Variants in NFATC3 observed in about 807,000 individuals in gnomAD.
NFATC3 encodes the protein nuclear factor of activated T-cells, cytoplasmic 3.
A neutral mutation model predicts 98.6 loss-of-function variants in NFATC3; 46 were observed. The ratio of observed to expected loss-of-function variants is 0.47; its 90% CI spans 0.37 to 0.60. NFATC3 has a LOEUF of 0.60. Among genes scored for constraint, NFATC3 ranks in the 20% least tolerant of loss-of-function variants. The probability of loss-of-function intolerance (pLI) is 0.00; values close to 1 mark genes in which losing one functional copy is unlikely to be tolerated. For missense variants in NFATC3, 1,256 were observed against 1,295.5 expected, an observed-to-expected ratio of 0.97 and a Z score of 0.47; for synonymous variants, 512 against 472.2, an observed-to-expected ratio of 1.08 and a Z score of -1.09.
intron 9 of NFATC3, among the ~76,000 whole-genome samples, chr16:68,192,550 C>T (rs1308776540): frequency 1.3e-5 from 2 of 151,828 alleles, no homozygotes; most frequent in South Asian, 2.1e-4. Flanking sequence ...GCTGGGAATG[C>T]GAAGGATGTA....
chr16:68,150,954 G>GC (rs5817632), intron 3 of NFATC3, among the ~76,000 whole-genome samples: 4,574 of 151,896 alleles, frequency 0.03, 209 homozygotes, highest in African/African-American at 0.1. Context: ...ATTTCCTGAG[G>GC]CCCCCCCAGC....
intron 9 of NFATC3, among the ~76,000 whole-genome samples, chr16:68,196,033 A>G (rs1466329188): frequency 6.6e-6 from 1 of 151,930 alleles, no homozygotes; most frequent in African/African-American, 2.4e-5. Flanking sequence ...AATTTTTGTT[A>G]AAACGCACTT....
intron 5 of NFATC3, among the ~76,000 whole-genome samples, chr16:68,172,214 G>A (rs1458614701): frequency 6.6e-6 from 1 of 152,140 alleles, no homozygotes; most frequent in Non-Finnish European, 1.5e-5. Flanking sequence ...TACTTTTGTG[G>A]CTAGGTATTA....
chr16:68,118,924 A>G (rs138223731), intron 1 of NFATC3, among the ~76,000 whole-genome samples: 79 of 152,118 alleles, frequency 5.2e-4, no homozygotes, highest in Middle Eastern at 3.4e-3. Context: ...CTGGAGTGCA[A>G]TGGCGCGATC....
intron 8 of NFATC3, among the ~76,000 whole-genome samples, chr16:68,190,024 G>GTGA (rs2040370469): frequency 1.3e-5 from 2 of 152,214 alleles, no homozygotes; most frequent in Non-Finnish European, 2.9e-5. Context: ...GGCCGACAGA[G>GTGA]TGAGACCCTG....
intron 7 of NFATC3, 100 bp from the exon 8 acceptor site, chr16:68,183,140 G>A (rs1438283662): frequency 1.6e-6 from 2 of 1,228,466 alleles, no homozygotes; most frequent in Non-Finnish European, 2.2e-6. Flanking sequence ...AATTATCTAT[G>A]CTGGAGCCTT....
chr16:68,122,505 C>T lies in NFATC3; in HGVS notation c.622C>T (p.Pro208Ser), dbSNP rs755047866. The T allele has an allele frequency of 3.1e-6, 5 of 1,614,110 alleles. No homozygotes were observed. Among genetic ancestry groups the T allele is most frequent in the Non-Finnish European group, 4.2e-6 (5 of 1,180,026 alleles). ...EAAARFTLGSPLTSPGGSPGG... is the reference protein window; with the variant it reads ...EAAARFTLGSSLTSPGGSPGG... ...TGCAGCCCGATTTACCCTTGGATCC[C>T]CTCTGACTTCTCCTGGTGGCTCTCC... The change falls in exon 2 of 10, where the codon CCT (proline) becomes TCT (serine). Residue 208 changes from proline (P) to serine (S), a missense_variant. By Grantham distance (74) the Pro-to-Ser change is moderately conservative. Coordinates refer to ENST00000346183, the MANE Select transcript of NFATC3 (RefSeq NM_173165.3).
At chr16:68,215,911 G>A (rs575634394) in intron 9 of NFATC3, among the ~76,000 whole-genome samples, 1 of 151,846 alleles carries the variant, frequency 6.6e-6, no homozygotes, top group Non-Finnish European at 1.5e-5. Context: ...TGTATTTTTA[G>A]TAGAGATGGG....
intron 3 of NFATC3, among the ~76,000 whole-genome samples, chr16:68,152,466 G>T (rs1425601205): frequency 6.6e-6 from 1 of 151,992 alleles, no homozygotes; most frequent in Non-Finnish European, 1.5e-5. Context: ...CTAGACCAGG[G>T]GTTATCAAAC....
intron 9 of NFATC3, among the ~76,000 whole-genome samples, chr16:68,218,890 T>C (rs539120748): frequency 6.6e-6 from 1 of 151,836 alleles, no homozygotes; most frequent in Non-Finnish European, 1.5e-5. Flanking sequence ...GCTTTTATAA[T>C]AATTGCATAC....
intron 3 of NFATC3, among the ~76,000 whole-genome samples, chr16:68,135,641 C>T (rs1175538015): frequency 2.6e-5 from 4 of 151,908 alleles, no homozygotes; most frequent in African/African-American, 9.7e-5. Flanking sequence ...ATTGAAATTA[C>T]CTGGTGAAAA....
At chr16:68,117,356 C>T (rs545337873) in intron 1 of NFATC3, among the ~76,000 whole-genome samples, 13 of 152,224 alleles carry the variant, frequency 8.5e-5, no homozygotes, top group African/African-American at 2.9e-4. Context: ...TCATATATAT[C>T]AAATGGTGAT....
At chr16:68,137,423 G>A (rs1014569769) in intron 3 of NFATC3, among the ~76,000 whole-genome samples, 5 of 151,808 alleles carry the variant, frequency 3.3e-5, no homozygotes, top group Non-Finnish European at 2.9e-5. Context: ...CATTATATAC[G>A]GTCTGTCATT....
At chr16:68,159,416 T>A (rs531968501) in intron 4 of NFATC3, among the ~76,000 whole-genome samples, 1 of 151,414 alleles carries the variant, frequency 6.6e-6, no homozygotes, top group African/African-American at 2.4e-5. Context: ...TTTTTTTTTT[T>A]TTTTATATTT....
At chr16:68,181,570 A>G in intron 7 of NFATC3, 40 bp downstream of exon 7, 2 of 1,375,578 alleles carry the variant, frequency 1.5e-6, no homozygotes, top group Non-Finnish European at 1.0e-6. Context: ...TATTTAAGAC[A>G]CTGAATAGAA....
At chr16:68,226,302 CTAATCACTCAGAGG>C in intron 9 of NFATC3, 34 bp from the exon 10 acceptor site, 1 of 1,537,324 alleles carries the variant, frequency 6.5e-7, no homozygotes, top group Non-Finnish European at 8.7e-7. Flanking sequence ...CATCATATGG[CTAATCACTCAGAGG>C]TCACTAATCA....
At chr16:68,173,438 A>C (rs1161052187) in intron 5 of NFATC3, among the ~76,000 whole-genome samples, 1 of 152,090 alleles carries the variant, frequency 6.6e-6, no homozygotes, top group Non-Finnish European at 1.5e-5. Flanking sequence ...ATGGTGGCAC[A>C]TGCCTGTAAT....
chr16:68,190,754 C>T lies in NFATC3; in HGVS notation c.2099-14C>T. On this transcript the variant is annotated splice_polypyrimidine_tract_variant and intron_variant, in intron 8 of 9. Coordinates refer to ENST00000346183, the MANE Select transcript of NFATC3 (RefSeq NM_173165.3). ...ATTGTATAATAATATTTGCTTTAAT[C>T]ATTTTCTTTTCAGTTTTGATGAAGC... 6.3e-7 allele frequency: 1 copy of T among 1,581,946 alleles called. No homozygotes were observed. The highest frequency in any genetic ancestry group is 8.6e-7 in the Non-Finnish European group (1 of 1,164,106).
In NFATC3 at chr16:68,191,746, T is replaced by A; in HGVS notation, c.3077T>A (p.Ile1026Asn). 1.2e-6 allele frequency: 2 copies of A among 1,614,134 alleles called. No individual in the cohort carries two copies. Among genetic ancestry groups the A allele is most frequent in the Non-Finnish European group, 1.7e-6 (2 of 1,180,022 alleles). ...PEDREPNFATIGLQDITLDDV... is the reference protein window; with the variant it reads ...PEDREPNFATNGLQDITLDDV... ...GATCGAGAGCCTAACTTTGCAACCA[T>A]TGGTCTGCAGGACATCACTTTAGAT... Residue 1026 changes from isoleucine to asparagine, a missense_variant, in exon 9 of 10, where the codon ATT (isoleucine) becomes AAT (asparagine). Around this residue, in one of 3 missense-constraint regions of NFATC3, gnomAD observed 636 missense variants for 617.3 expected, o/e 1.03. Transcript: ENST00000346183.
Sources: allele counts gnomAD v4.1 joint callset (sites outside exome capture counted in the v4.1 genomes callset), GRCh38; gene constraint gnomAD v4.1.1; regional missense constraint gnomAD v4.1.1; transcripts MANE v1.5; gene names NCBI Gene and HGNC (gene_info 2026-07-23, HGNC 2026-07-21).